Variants in ERBB4 observed in about 807,000 individuals in gnomAD.
The protein encoded by ERBB4 is receptor tyrosine-protein kinase erbB-4.
A neutral mutation model predicts 158.0 loss-of-function variants in ERBB4; 42 were observed. The ratio of observed to expected loss-of-function variants is 0.27; its 90% confidence interval spans 0.21 to 0.34. ERBB4 has a LOEUF of 0.34. Among genes scored for constraint, ERBB4 ranks in the 10% least tolerant of loss-of-function variants. The pLI is 1.00. For missense variants in ERBB4, 1,333 were observed against 1,624.1 expected (o/e 0.82, Z 3.08); for synonymous variants, 583 against 558.7 (o/e 1.04, Z -0.61).
chr2:212,193,996 C>A (rs1031682060), intron 1 of ERBB4, among the ~76,000 whole-genome samples: 2 of 151,896 alleles, frequency 1.3e-5, no homozygotes, highest in Non-Finnish European at 2.9e-5. Context: ...TTCAATAAAA[C>A]AGTACAGCTG....
At chr2:212,342,533 G>A (rs1368699485) in intron 1 of ERBB4, among the ~76,000 whole-genome samples, 2 of 151,996 alleles carry the variant, frequency 1.3e-5, no homozygotes, top group Non-Finnish European at 2.9e-5. Context: ...CCCAGTCTTG[G>A]GTATTCCTTC....
chr2:211,722,285 G>A, intron 7 of ERBB4, 108 bp downstream of exon 7: 2 of 910,068 alleles, frequency 2.2e-6, no homozygotes. Flanking sequence ...TATACCCAAA[G>A]TACTTATAAT....
At chr2:211,575,875 G>A (rs1420332209) in intron 19 of ERBB4, among the ~76,000 whole-genome samples, 1 of 152,056 alleles carries the variant, frequency 6.6e-6, no homozygotes, top group Non-Finnish European at 1.5e-5. Context: ...TAATTTATAT[G>A]TAGAAATCAT....
intron 1 of ERBB4, among the ~76,000 whole-genome samples, chr2:212,423,704 A>C (rs1271157060): frequency 1.3e-5 from 2 of 152,200 alleles, no homozygotes; most frequent in Non-Finnish European, 2.9e-5. Flanking sequence ...AAAATTCTTT[A>C]ATTGAAGTCT....
chr2:211,703,995 G>C, intron 11 of ERBB4, 109 bp downstream of exon 11: 1 of 777,936 alleles, frequency 1.3e-6, no homozygotes, highest in Non-Finnish European at 2.4e-6. Flanking sequence ...ATGGAAGCAT[G>C]ATTTCCCCAG....
At chr2:212,181,376 G>A (rs894206092) in intron 1 of ERBB4, among the ~76,000 whole-genome samples, 5 of 151,516 alleles carry the variant, frequency 3.3e-5, no homozygotes, top group East Asian at 1.9e-4. Context: ...GAATATGTAC[G>A]TACATATTTC....
At chr2:211,601,754 A>T (rs1414429701) in intron 19 of ERBB4, among the ~76,000 whole-genome samples, 6 of 152,218 alleles carry the variant, frequency 3.9e-5, no homozygotes, top group African/African-American at 1.2e-4. Context: ...TGAATGTGTC[A>T]ATTCTGAAAG....
intron 12 of ERBB4, among the ~76,000 whole-genome samples, chr2:211,700,613 TTAA>T (rs1446622135): frequency 6.6e-6 from 1 of 152,196 alleles, no homozygotes; most frequent in Non-Finnish European, 1.5e-5. Flanking sequence ...AGATGGGGTC[TTAA>T]TAAATCAATT....
chr2:212,173,442 C>A (rs943772094), intron 1 of ERBB4, among the ~76,000 whole-genome samples: 2 of 152,072 alleles, frequency 1.3e-5, no homozygotes, highest in African/African-American at 4.8e-5. Flanking sequence ...AAGAGAAGGT[C>A]AGCCTGAAGG....
chr2:212,230,110 C>A (rs150187399), intron 1 of ERBB4, among the ~76,000 whole-genome samples: 3,323 of 152,062 alleles, frequency 0.022, 101 homozygotes, highest in African/African-American at 0.075. Flanking sequence ...CACGGTGAAA[C>A]CCTATCTCTA....
chr2:212,120,141 T>C (rs1182008006), intron 2 of ERBB4, among the ~76,000 whole-genome samples: 3 of 152,156 alleles, frequency 2.0e-5, no homozygotes, highest in Non-Finnish European at 4.4e-5. Flanking sequence ...GGGGTAAATA[T>C]TGCTTTTTTC....
chr2:211,781,906 C>T lies in ERBB4; in HGVS notation c.556+6119G>A, dbSNP rs756885851. Among the ~76,000 whole-genome samples, 18 of 152,116 alleles carry T rather than the reference C, an allele frequency of 1.2e-4. 1 individual carries two copies. Among genetic ancestry groups the T allele is most frequent in the Non-Finnish European group, 2.2e-4 (15 of 68,036 alleles). ...TGTCCTCCCACGCCAGACTTGGTGC[C>T]CAGTCAATGCACTGCAGTCTCTAAG... is the stretch of plus-strand genomic sequence containing the variant. On this transcript the variant is annotated intron_variant, in intron 4 of 27. Coordinates refer to ENST00000342788, the MANE Select transcript of ERBB4 (RefSeq NM_005235.3).
chr2:211,637,178 T>C (rs993678707), intron 16 of ERBB4, among the ~76,000 whole-genome samples: 3 of 151,916 alleles, frequency 2.0e-5, no homozygotes, highest in Admixed American at 6.6e-5. Flanking sequence ...AAGTCTATCA[T>C]GACCCAGAGG....
chr2:211,704,007 A>T (rs2073346934), intron 11 of ERBB4, 97 bp downstream of exon 11: 1 of 801,424 alleles, frequency 1.2e-6, no homozygotes, highest in Admixed American at 1.7e-5. Context: ...TTTCCCCAGA[A>T]TCAGTAAATC....
chr2:212,014,667 T>C (rs1372442267), intron 2 of ERBB4, among the ~76,000 whole-genome samples: 2 of 152,154 alleles, frequency 1.3e-5, no homozygotes, highest in East Asian at 1.9e-4. Context: ...TATTTGAACA[T>C]GGAGACATAG....
chr2:211,432,539 T>C (rs1388494213), intron 20 of ERBB4, among the ~76,000 whole-genome samples: 5 of 151,944 alleles, frequency 3.3e-5, no homozygotes. Flanking sequence ...TTTGAGTACA[T>C]TAAATTAGAA....
chr2:211,857,051 T>C (rs993931790), intron 3 of ERBB4, among the ~76,000 whole-genome samples: 11 of 152,152 alleles, frequency 7.2e-5, no homozygotes, highest in Admixed American at 3.9e-4. Context: ...TTAAAATGTA[T>C]ATCTTGAAAA....
intron 3 of ERBB4, among the ~76,000 whole-genome samples, chr2:211,794,439 A>G (rs2076340364): frequency 6.6e-6 from 1 of 151,940 alleles, no homozygotes; most frequent in Non-Finnish European, 1.5e-5. Flanking sequence ...TAGAACTATG[A>G]TGTACACCTC....
At chr2:212,042,013 C>G (rs979283869) in intron 2 of ERBB4, among the ~76,000 whole-genome samples, 9 of 151,912 alleles carry the variant, frequency 5.9e-5, no homozygotes, top group African/African-American at 2.2e-4. Context: ...TCCTCTTTGC[C>G]AAGAGGTTGC....
Sources: gnomAD v4.1 joint callset for allele counts (sites outside exome capture counted in the v4.1 genomes callset) on GRCh38, gnomAD v4.1.1 for gene constraint, MANE v1.5 for transcripts, NCBI Gene and HGNC (gene_info 2026-07-23, HGNC 2026-07-21) for gene names.